The following ULK4 variants were observed in gnomAD, a reference collection of about 807,000 sequenced individuals.
ULK4 encodes the protein inactive serine/threonine-protein kinase ULK4.
In ULK4, 133 loss-of-function variants were observed where a neutral mutation model predicts 160.6. That is an observed-to-expected ratio of 0.83 (90% CI 0.72 to 0.96). ULK4 has a LOEUF of 0.96. Among genes scored for constraint, ULK4 ranks in the 40% least tolerant of loss-of-function variants. The pLI is 0.00. For synonymous variants in ULK4, 534 were observed against 539.8 expected (o/e 0.99, Z 0.15); for missense variants, 1,580 against 1,499.5 (o/e 1.05, Z -0.89).
intron 3 of ULK4, among the ~76,000 whole-genome samples, chr3:41,936,846 A>AC (rs1699791702): frequency 6.6e-6 from 1 of 152,210 alleles, no homozygotes; most frequent in Admixed American, 6.5e-5. Context: ...AAAAACTAGT[A>AC]TTTGATAGTA....
chr3:41,423,937 A>G (rs1292711960), intron 34 of ULK4, among the ~76,000 whole-genome samples: 1 of 152,152 alleles, frequency 6.6e-6, no homozygotes, highest in Non-Finnish European at 1.5e-5. Flanking sequence ...CAGAGTTTAT[A>G]GATTTTCAGT....
At chr3:41,389,279 G>A (rs190907285) in intron 35 of ULK4, among the ~76,000 whole-genome samples, 395 of 152,194 alleles carry the variant, frequency 2.6e-3, no homozygotes, top group Non-Finnish European at 3.9e-3. Context: ...GGGCTGAGAC[G>A]ATGAGGTTTT....
chr3:41,587,621 C>G (rs1489196341), intron 31 of ULK4, among the ~76,000 whole-genome samples: 1 of 152,082 alleles, frequency 6.6e-6, no homozygotes, highest in African/African-American at 2.4e-5. Flanking sequence ...TTCCCAGTAG[C>G]CTTTATCTAC....
intron 32 of ULK4, among the ~76,000 whole-genome samples, chr3:41,565,755 CAGAT>C (rs1273834181): frequency 6.6e-6 from 1 of 152,138 alleles, no homozygotes; most frequent in East Asian, 1.9e-4. Context: ...CAGATGAAGA[CAGAT>C]AGCAATCAGT....
chr3:41,653,181 C>T (rs1436154386), intron 30 of ULK4, among the ~76,000 whole-genome samples: 1 of 152,160 alleles, frequency 6.6e-6, no homozygotes, highest in Non-Finnish European at 1.5e-5. Flanking sequence ...TTACTGAGCT[C>T]TTAACACTGC....
intron 17 of ULK4, chr3:41,882,336 A>G: frequency 1.4e-6 from 1 of 700,666 alleles, no homozygotes; most frequent in South Asian, 1.5e-5. Flanking sequence ...ACATGCTGTG[A>G]AAAAGATAAA....
rs768512742 is a variant in ULK4, at chr3:41,837,956, T to G, written c.1657-1985A>C. On this transcript the variant is annotated intron_variant, in intron 17 of 36. Coordinates refer to ENST00000301831, the MANE Select transcript of ULK4 (RefSeq NM_017886.4). ...ACTGCCTTACACATAATACATCATC[T>G]AGATGAAGTGGGTGAGGAAGAAAAA... Among the ~76,000 whole-genome samples the G allele has an allele frequency of 5.3e-5, 8 of 152,240 alleles. No homozygotes were observed. In the South Asian group the frequency reaches 1.2e-3, roughly 24 times the overall value.
intron 32 of ULK4, among the ~76,000 whole-genome samples, chr3:41,477,043 G>A (rs1315572400): frequency 6.6e-6 from 1 of 152,106 alleles, no homozygotes; most frequent in East Asian, 1.9e-4. Flanking sequence ...GTACTTCCCA[G>A]TCCTCTGGTC....
chr3:41,427,740 T>C (rs892343317), intron 34 of ULK4, among the ~76,000 whole-genome samples: 3 of 152,124 alleles, frequency 2.0e-5, no homozygotes, highest in Non-Finnish European at 2.9e-5. Context: ...CTAAAAACTC[T>C]CAATAAATTA....
chr3:41,364,486 CT>C (rs1222205328), intron 35 of ULK4, among the ~76,000 whole-genome samples: 1 of 152,180 alleles, frequency 6.6e-6, no homozygotes, highest in Admixed American at 6.5e-5. Flanking sequence ...TTTGGCTAGC[CT>C]GTTTCACAGG....
At chr3:41,878,858 G>A (rs1405597009) in intron 17 of ULK4, among the ~76,000 whole-genome samples, 2 of 151,936 alleles carry the variant, frequency 1.3e-5, no homozygotes, top group Non-Finnish European at 2.9e-5. Context: ...GAAGCAGTAG[G>A]AGAAATACAG....
At chr3:41,267,391 A>C (rs1434732864) in intron 35 of ULK4, among the ~76,000 whole-genome samples, 1 of 151,802 alleles carries the variant, frequency 6.6e-6, no homozygotes, top group Non-Finnish European at 1.5e-5. Flanking sequence ...TATGTACCAC[A>C]TTTTCTTTAT....
chr3:41,912,929 C>T (rs999055788), intron 8 of ULK4, 30 bp from the exon 9 acceptor site: 2 of 1,596,610 alleles, frequency 1.3e-6, no homozygotes, highest in African/African-American at 2.7e-5. Flanking sequence ...TAAAACTCTA[C>T]TTTAACATGA....
At chr3:41,507,612 C>CAAA (rs71075473) in intron 32 of ULK4, among the ~76,000 whole-genome samples, 3 of 75,288 alleles carry the variant, frequency 4.0e-5, no homozygotes, top group East Asian at 7.3e-4. Context: ...AAACCACCAC[C>CAAA]AAAAAAAAAA....
intron 22 of ULK4, among the ~76,000 whole-genome samples, chr3:41,723,879 G>A (rs1272252730): frequency 6.6e-6 from 1 of 152,210 alleles, no homozygotes; most frequent in Non-Finnish European, 1.5e-5. Flanking sequence ...TTCCGAGCAT[G>A]TGACTGGAAC....
chr3:41,571,954 G>A (rs190105814), intron 31 of ULK4, among the ~76,000 whole-genome samples: 3 of 152,270 alleles, frequency 2.0e-5, no homozygotes, highest in East Asian at 1.9e-4. Flanking sequence ...GCTGCCACAC[G>A]GGCCCGAGCT....
intron 31 of ULK4, among the ~76,000 whole-genome samples, chr3:41,578,858 A>C (rs1010980693): frequency 2.6e-5 from 4 of 152,250 alleles, no homozygotes; most frequent in Admixed American, 1.3e-4. Flanking sequence ...TATATTGGCC[A>C]GTCTCAATTT....
intron 22 of ULK4, among the ~76,000 whole-genome samples, chr3:41,722,496 T>C (rs1191013311): frequency 6.6e-6 from 1 of 152,106 alleles, no homozygotes; most frequent in African/African-American, 2.4e-5. Flanking sequence ...CCAGGCGTGG[T>C]GGCACATGCC....
At chr3:41,356,914 C>A (rs552380334) in intron 35 of ULK4, among the ~76,000 whole-genome samples, 9 of 152,152 alleles carry the variant, frequency 5.9e-5, no homozygotes, top group Admixed American at 5.2e-4. Context: ...CTGCTCCCCA[C>A]ACCTGCACAT....
Sources: allele counts gnomAD v4.1 joint callset (sites outside exome capture counted in the v4.1 genomes callset), GRCh38; gene constraint gnomAD v4.1.1; transcripts MANE v1.5; gene names NCBI Gene and HGNC (gene_info 2026-07-23, HGNC 2026-07-21).